Variants in PALLD observed in about 807,000 individuals in gnomAD.
The protein encoded by PALLD is palladin.
In PALLD, 61 loss-of-function variants were observed where a neutral mutation model predicts 123.5. The ratio of observed to expected loss-of-function variants is 0.49; its 90% CI spans 0.40 to 0.61. The LOEUF (loss-of-function observed/expected upper bound fraction) is 0.61. Ranked by LOEUF, PALLD falls within the 20% of genes least tolerant of loss-of-function variation. The pLI, the probability that PALLD is intolerant of heterozygous loss-of-function variation, is 0.00. For missense variants in PALLD, 1,273 were observed against 1,377.0 expected (o/e 0.92, Z 1.20); for synonymous variants, 465 against 496.4 (o/e 0.94, Z 0.84).
chr4:168,922,094 T>TACACACACAC, intron 18 of PALLD, among the ~76,000 whole-genome samples: 1 of 106,824 alleles, frequency 9.4e-6, no homozygotes, highest in African/African-American at 3.2e-5. Flanking sequence ...TTTATATATA[T>TACACACACAC]ATATATATAC....
At chr4:168,919,801 A>C (rs2126432339) in intron 17 of PALLD, among the ~76,000 whole-genome samples, 1 of 152,252 alleles carries the variant, frequency 6.6e-6, no homozygotes, top group African/African-American at 2.4e-5. Context: ...TGCTGAGAGT[A>C]CAGATCTAGT....
intron 10 of PALLD, among the ~76,000 whole-genome samples, chr4:168,722,319 C>A (rs546900814): frequency 1.3e-5 from 2 of 152,294 alleles, no homozygotes; most frequent in East Asian, 3.9e-4. Context: ...AGACGTGAGC[C>A]ACCACACCTG....
chr4:168,612,665 C>T (rs867280878), intron 2 of PALLD, among the ~76,000 whole-genome samples: 10 of 152,230 alleles, frequency 6.6e-5, no homozygotes, highest in Admixed American at 6.5e-5. Context: ...TGTCTCAACA[C>T]AGTGACTCAT....
At position 168,577,674 on chromosome 4, in the gene PALLD, C is replaced by T. The variant is rs576190029; in HGVS notation, c.908+65262C>T. 2.0e-5 allele frequency among the ~76,000 whole-genome samples: 3 copies of T among 151,922 alleles called. No individual in the cohort carries two copies. The South Asian group carries it at 6.2e-4, about 32-fold the overall frequency. On this transcript the variant is annotated intron_variant, in intron 2 of 21. Transcript: ENST00000505667. ...GAAAGAAAGGCTAAATTGACCATTA[C>T]TCAAAAGAGGCCACCAGTTCCAGGG... is the stretch of plus-strand genomic sequence containing the variant.
chr4:168,759,714 G>A (rs988281262), intron 10 of PALLD, among the ~76,000 whole-genome samples: 1 of 152,096 alleles, frequency 6.6e-6, no homozygotes, highest in Non-Finnish European at 1.5e-5. Flanking sequence ...ATCCTGTGCA[G>A]GTCCAGGATT....
chr4:168,698,003 G>A (rs1581024519), intron 8 of PALLD, among the ~76,000 whole-genome samples: 1 of 152,142 alleles, frequency 6.6e-6, no homozygotes, highest in Non-Finnish European at 1.5e-5. Flanking sequence ...TAAAGGAAAT[G>A]TGGTACATAT....
intron 8 of PALLD, among the ~76,000 whole-genome samples, chr4:168,696,708 G>A (rs1193503587): frequency 6.6e-6 from 1 of 151,730 alleles, no homozygotes; most frequent in Non-Finnish European, 1.5e-5. Flanking sequence ...GAGAGGGGAG[G>A]ACACTTGTAA....
rs530498178 is a variant in PALLD at position 168,832,087 on chromosome 4, C to G, written c.1965-58835C>G. The G allele has an allele frequency of 4.1e-6, 4 of 968,066 alleles. No individual in the cohort carries two copies. The South Asian group carries it at 1.9e-4, about 46-fold the overall frequency. 60.0% of individuals were successfully genotyped at this position (968,066 alleles called of 1,614,324 possible). On this transcript the variant is annotated intron_variant, in intron 10 of 21. Coordinates refer to ENST00000505667, the MANE Select transcript of PALLD (RefSeq NM_001166108.2). ...GGTATAAAGCCCGATACCTGCCCCGCGCCCGGTCCGCGGAGCCCGCTGCAG... is the reference window on the plus strand; with the variant it reads ...GGTATAAAGCCCGATACCTGCCCCGGGCCCGGTCCGCGGAGCCCGCTGCAG...
chr4:168,586,248 C>T lies in PALLD; in HGVS notation c.908+73836C>T, dbSNP rs187096558. On this transcript the variant is annotated intron_variant, in intron 2 of 21. Transcript: ENST00000505667. ...AAAAAAGAAAAGCTGAGACTCTTCA[C>T]CCCTTGATTCCAGTATTCCCAAACT... Among the ~76,000 whole-genome samples, 294 of 151,962 alleles carry T rather than the reference C, an allele frequency of 1.9e-3. 2 individuals are homozygous for T. Among genetic ancestry groups the T allele is most frequent in the Non-Finnish European group, 3.3e-3 (222 of 67,978 alleles).
intron 1 of PALLD, among the ~76,000 whole-genome samples, chr4:168,499,395 TA>T (rs1291014536): frequency 6.7e-6 from 1 of 148,188 alleles, no homozygotes; most frequent in Non-Finnish European, 1.5e-5. Flanking sequence ...TGATTTAGTC[TA>T]GGGGGGTTGC....
chr4:168,639,908 G>A (rs1485211422), intron 2 of PALLD, among the ~76,000 whole-genome samples: 1 of 152,170 alleles, frequency 6.6e-6, no homozygotes, highest in South Asian at 2.1e-4. Flanking sequence ...CTGTCTTTTA[G>A]GTTCAATAAT....
chr4:168,549,895 T>A (rs2149534792), intron 2 of PALLD, among the ~76,000 whole-genome samples: 1 of 152,282 alleles, frequency 6.6e-6, no homozygotes, highest in Middle Eastern at 3.4e-3. Context: ...TGAAATTCTA[T>A]CCCCAAAATG....
At chr4:168,746,149 C>G (rs948203718) in intron 10 of PALLD, among the ~76,000 whole-genome samples, 7 of 151,910 alleles carry the variant, frequency 4.6e-5, no homozygotes, top group African/African-American at 1.2e-4. Flanking sequence ...ACATCATTTC[C>G]TTTTTTCCCT....
In PALLD at chr4:168,861,447, T is replaced by G. The variant is rs188488993; in HGVS notation, c.1965-29475T>G. Among the ~76,000 whole-genome samples the G allele has an allele frequency of 5.9e-5, 9 of 152,300 alleles. No homozygotes were observed. In the East Asian group the frequency reaches 1.7e-3, roughly 29 times the overall value. On this transcript the variant is annotated intron_variant, in intron 10 of 21. Transcript: ENST00000505667. ...GAAGAAAAAGTAAGAGATGAAGATG[T>G]ACTTTCAGTGTTCTCTTTATATCTT...
chr4:168,743,584 T>C (rs1487500575), intron 10 of PALLD, among the ~76,000 whole-genome samples: 1 of 152,182 alleles, frequency 6.6e-6, no homozygotes, highest in African/African-American at 2.4e-5. Flanking sequence ...AGCAGTACCA[T>C]GATTTTAGGT....
chr4:168,892,100 G>C (rs560942036), intron 11 of PALLD, among the ~76,000 whole-genome samples: 6 of 152,234 alleles, frequency 3.9e-5, no homozygotes, highest in African/African-American at 1.4e-4. Context: ...TTCCTCATCA[G>C]TTTTTGTTTG....
chr4:168,582,580 T>C (rs1198442168), intron 2 of PALLD, among the ~76,000 whole-genome samples: 1 of 152,174 alleles, frequency 6.6e-6, no homozygotes, highest in Non-Finnish European at 1.5e-5. Context: ...CATATATGCC[T>C]TTAGTATATT....
At chr4:168,907,559 A>G (rs920417813) in intron 15 of PALLD, among the ~76,000 whole-genome samples, 2 of 152,196 alleles carry the variant, frequency 1.3e-5, no homozygotes, top group Non-Finnish European at 2.9e-5. Flanking sequence ...CATCAGCCAC[A>G]CATGAAGCTG....
intron 2 of PALLD, among the ~76,000 whole-genome samples, chr4:168,626,726 A>AG (rs1399478609): frequency 1.3e-5 from 2 of 152,002 alleles, no homozygotes; most frequent in African/African-American, 4.8e-5. Flanking sequence ...AAAAAAAAAA[A>AG]AAAAAAGTAA....
Sources: allele counts gnomAD v4.1 joint callset (sites outside exome capture counted in the v4.1 genomes callset), GRCh38; gene constraint gnomAD v4.1.1; transcripts MANE v1.5; gene names NCBI Gene and HGNC (gene_info 2026-07-23, HGNC 2026-07-21).